KCNK9: variants seen among roughly 807,000 people sequenced by gnomAD.
The protein encoded by KCNK9 is potassium channel subfamily K member 9.
A neutral mutation model predicts 10.8 loss-of-function variants in KCNK9; 1 was observed. The ratio of observed to expected loss-of-function variants is 0.09; its 90% CI spans 0.03 to 0.44. The LOEUF (loss-of-function observed/expected upper bound fraction) is 0.44. KCNK9 is among the 20% of genes least tolerant of loss of function. The pLI, the probability that KCNK9 is intolerant of heterozygous loss-of-function variation, is 0.97. For missense variants in KCNK9, 303 were observed against 515.0 expected, an observed-to-expected ratio of 0.59 and a Z score of 3.98; for synonymous variants, 231 against 222.7, an observed-to-expected ratio of 1.04 and a Z score of -0.33.
chr8:139,685,017 C>T (rs577395039), intron 1 of KCNK9, among the ~76,000 whole-genome samples: 173 of 152,258 alleles, frequency 1.1e-3, no homozygotes, highest in Non-Finnish European at 1.9e-3. Context: ...CTGATTGAGC[C>T]AGGAATCACC....
At chr8:139,601,405 C>A (rs879803351) in exon 3 of KCNK9, 7 of 152,216 alleles carry the variant, frequency 4.6e-5, no homozygotes, top group Non-Finnish European at 1.0e-4. Flanking sequence ...TGAGGCTTGA[C>A]TGGTTCCTTA....
intron 1 of KCNK9, among the ~76,000 whole-genome samples, chr8:139,674,455 T>G (rs1219872415): frequency 6.6e-6 from 1 of 152,098 alleles, no homozygotes; most frequent in Admixed American, 6.5e-5. Flanking sequence ...CAGGGCCAGG[T>G]GGGAGGGCCC....
chr8:139,683,600 C>T lies in KCNK9; in HGVS notation c.283+19110G>A, dbSNP rs189649543. 1.6e-3 allele frequency among the ~76,000 whole-genome samples: 237 copies of T among 152,324 alleles called. 1 individual carries two copies. Among genetic ancestry groups the T allele is most frequent in the African/African-American group, 4.6e-3 (190 of 41,572 alleles). ...CCCAGACGGGGAAGCCAGGTCTGCC[C>T]GAGGGGTTGGAGTTGACCACGGGTT... is the stretch of plus-strand genomic sequence containing the variant. On this transcript the variant is annotated intron_variant, in intron 1 of 1. Transcript: ENST00000520439.
intron 1 of KCNK9, among the ~76,000 whole-genome samples, chr8:139,658,746 TCCC>T (rs1489342242): frequency 2.6e-5 from 4 of 152,222 alleles, no homozygotes; most frequent in African/African-American, 4.8e-5. Flanking sequence ...GGCCTGGACT[TCCC>T]CACGGTCACA....
intron 1 of KCNK9, among the ~76,000 whole-genome samples, chr8:139,629,684 G>A (rs1434274520): frequency 6.6e-6 from 1 of 152,058 alleles, no homozygotes; most frequent in Non-Finnish European, 1.5e-5. Context: ...GAAAGGGGGG[G>A]AAGATGCAGT....
chr8:139,657,376 A>G (rs1215244312), intron 1 of KCNK9, among the ~76,000 whole-genome samples: 2 of 152,152 alleles, frequency 1.3e-5, no homozygotes, highest in Admixed American at 6.5e-5. Context: ...GAGCACAGGA[A>G]GCTGCTTCCA....
chr8:139,685,296 ATTATAC>A (rs1816765609), intron 1 of KCNK9, among the ~76,000 whole-genome samples: 1 of 152,150 alleles, frequency 6.6e-6, no homozygotes, highest in African/African-American at 2.4e-5. Flanking sequence ...ATTTTTTATT[ATTATAC>A]TTTAAGTTCT....
At chr8:139,611,472 G>T, downstream of KCNK9, 1 of 152,542 alleles carries the variant, frequency 6.6e-6, no homozygotes, top group Non-Finnish European at 1.5e-5. Flanking sequence ...GGGGTGGGCA[G>T]GAGCCAGGCC....
At chr8:139,696,878 T>C (rs1817069488) in intron 1 of KCNK9, among the ~76,000 whole-genome samples, 2 of 143,496 alleles carry the variant, frequency 1.4e-5, no homozygotes, top group Admixed American at 6.9e-5. Context: ...GATGGGTAGG[T>C]GGATGGATGG....
At chr8:139,661,229 T>G (rs899133939) in intron 1 of KCNK9, among the ~76,000 whole-genome samples, 6 of 152,226 alleles carry the variant, frequency 3.9e-5, no homozygotes, top group Non-Finnish European at 7.3e-5. Flanking sequence ...TGCCTCTTGC[T>G]GTGTGACACA....
intron 2 of KCNK9, among the ~76,000 whole-genome samples, chr8:139,606,272 C>T (rs538498781): frequency 1.8e-4 from 28 of 152,322 alleles, no homozygotes; most frequent in African/African-American, 6.5e-4. Context: ...ATCACCCTCC[C>T]ACAGGGAGTG....
chr8:139,615,592 A>C (rs1814564006), downstream of KCNK9, among the ~76,000 whole-genome samples: 2 of 152,182 alleles, frequency 1.3e-5, no homozygotes, highest in African/African-American at 2.4e-5. Context: ...GACCATAAAC[A>C]AGGATGTTTA....
chr8:139,697,914 G>C (rs1817101889), intron 1 of KCNK9, among the ~76,000 whole-genome samples: 1 of 152,126 alleles, frequency 6.6e-6, no homozygotes. Flanking sequence ...GCTGCCCACA[G>C]GCATCTCCTG....
intron 1 of KCNK9, among the ~76,000 whole-genome samples, chr8:139,633,836 C>T (rs112915503): frequency 1.2e-3 from 190 of 152,340 alleles, no homozygotes; most frequent in Middle Eastern, 6.8e-3. Context: ...AGCGTGAAGA[C>T]GACGACACAC....
In KCNK9 at chr8:139,649,659, C is replaced by A. The variant is rs992821196; in HGVS notation, c.284-30560G>T. Among the ~76,000 whole-genome samples the A allele has an allele frequency of 2.6e-5, 4 of 152,348 alleles. No individual in the cohort carries two copies. The South Asian group carries it at 6.2e-4, about 24-fold the overall frequency. On this transcript the variant is annotated intron_variant, in intron 1 of 1. Coordinates refer to ENST00000520439, the MANE Select transcript of KCNK9 (RefSeq NM_001282534.2). The stretch of plus-strand genomic sequence containing the variant: ...AAAAGCCTTCAATGGCTCCCCAGTA[C>A]CTGCAAGACAACAGGGTCTGGCTCC...
rs148253035 is a variant in KCNK9, at chr8:139,636,188, A to T, written c.284-17089T>A. ...CAGCACCAATGATATTCTTCTTCTC[A>T]TGTCATGCCCAACTGCTAGAGATGA... On this transcript the variant is annotated intron_variant, in intron 1 of 1. Transcript: ENST00000520439. Among the ~76,000 whole-genome samples the T allele has an allele frequency of 1.1e-4, 17 of 152,336 alleles. No homozygotes were observed. In the East Asian group the frequency reaches 3.3e-3, roughly 29 times the overall value.
intron 1 of KCNK9, among the ~76,000 whole-genome samples, chr8:139,661,980 T>C (rs1485561547): frequency 1.3e-5 from 2 of 152,172 alleles, no homozygotes; most frequent in Non-Finnish European, 2.9e-5. Context: ...AGTGGTGGCT[T>C]GGGGACCAAG....
intron 1 of KCNK9, among the ~76,000 whole-genome samples, chr8:139,634,347 A>G (rs1815272473): frequency 6.6e-6 from 1 of 152,158 alleles, no homozygotes. Context: ...CTCATGGGAA[A>G]GGCAGGCATC....
intron 1 of KCNK9, among the ~76,000 whole-genome samples, chr8:139,690,614 C>T (rs1816916772): frequency 6.6e-6 from 1 of 152,130 alleles, no homozygotes; most frequent in Non-Finnish European, 1.5e-5. Context: ...TTGATATTGT[C>T]AGGTGATAAT....
Sources: gnomAD v4.1 joint callset for allele counts (sites outside exome capture counted in the v4.1 genomes callset) on GRCh38, gnomAD v4.1.1 for gene constraint, MANE v1.5 for transcripts, NCBI Gene and HGNC (gene_info 2026-07-23, HGNC 2026-07-21) for gene names.